The following UPRT variants were observed in gnomAD, a reference collection of about 807,000 sequenced individuals.
The protein encoded by UPRT is RP11-311P8.3.
A neutral mutation model predicts 22.6 loss-of-function variants in UPRT; 5 were observed. That is an observed-to-expected ratio of 0.22 (90% CI 0.12 to 0.47). The LOEUF (loss-of-function observed/expected upper bound fraction) is 0.47, where lower values mean the gene tolerates loss of function less well. Ranked by LOEUF, UPRT falls within the 20% of genes least tolerant of loss-of-function variation. The pLI is 0.99. For synonymous variants in UPRT, 77 were observed against 87.7 expected (o/e 0.88, Z 0.68); for missense variants, 181 against 239.9 (o/e 0.75, Z 1.62).
intron 4 of UPRT, among the ~76,000 whole-genome samples, chrX:75,248,515 A>T (rs954566959): frequency 6.2e-5 from 7 of 112,071 alleles, no homozygotes; most frequent in Non-Finnish European, 1.1e-4. Flanking sequence ...GAGAAAAAAG[A>T]CTAAAAAGAA....
intron 4 of UPRT, among the ~76,000 whole-genome samples, chrX:75,230,345 C>A (rs1018575531): frequency 9.0e-6 from 1 of 111,222 alleles, no homozygotes; most frequent in African/African-American, 3.3e-5. Context: ...TAGCCTAAGA[C>A]AAAAGACATA....
intron 4 of UPRT, among the ~76,000 whole-genome samples, chrX:75,247,606 T>C (rs1014845924): frequency 3.6e-5 from 4 of 112,343 alleles, no homozygotes; most frequent in African/African-American, 1.3e-4. Context: ...GAGCCCACCA[T>C]AGCTCAAGGA....
intron 4 of UPRT, among the ~76,000 whole-genome samples, chrX:75,230,670 C>CAA (rs2082435517): frequency 8.9e-6 from 1 of 112,037 alleles, no homozygotes; most frequent in Non-Finnish European, 1.9e-5. Flanking sequence ...CTAAACAAAA[C>CAA]TACAACCAGG....
At chrX:75,225,460 A>G (rs1313626030) in intron 4 of UPRT, among the ~76,000 whole-genome samples, 1 of 110,660 alleles carries the variant, frequency 9.0e-6, no homozygotes, top group Non-Finnish European at 1.9e-5. Context: ...GGGCAGAATG[A>G]GAAATGCAGT....
At chrX:75,239,455 A>T (rs1196681544) in intron 4 of UPRT, among the ~76,000 whole-genome samples, 7 of 110,985 alleles carry the variant, frequency 6.3e-5, no homozygotes, top group Non-Finnish European at 1.1e-4. Flanking sequence ...AAACAGTAAT[A>T]AAAAAAATTG....
intron 3 of UPRT, among the ~76,000 whole-genome samples, chrX:75,167,076 G>A (rs2082215160): frequency 8.9e-6 from 1 of 111,803 alleles, no homozygotes; most frequent in South Asian, 3.7e-4. Context: ...TAGAATCTCT[G>A]AATCATGTAT....
intron 4 of UPRT, among the ~76,000 whole-genome samples, chrX:75,184,394 G>T (rs1602442948): frequency 9.4e-6 from 1 of 106,158 alleles, no homozygotes; most frequent in East Asian, 2.9e-4. Context: ...TCTCTGTTTT[G>T]GTACCAGTAC....
chrX:75,158,237 G>T (rs2082189239), intron 1 of UPRT, among the ~76,000 whole-genome samples: 1 of 111,557 alleles, frequency 9.0e-6, no homozygotes, highest in Admixed American at 9.5e-5. Flanking sequence ...CACACTGCTG[G>T]GGAAGAGCAG....
At chrX:75,238,450 G>T (rs1177002564) in intron 4 of UPRT, among the ~76,000 whole-genome samples, 1 of 111,507 alleles carries the variant, frequency 9.0e-6, no homozygotes, top group Non-Finnish European at 1.9e-5. Context: ...AAATACATAT[G>T]CACCTAACAC....
At chrX:75,262,631 CA>C (rs1164699847) in intron 4 of UPRT, among the ~76,000 whole-genome samples, 4 of 110,534 alleles carry the variant, frequency 3.6e-5, no homozygotes, top group Non-Finnish European at 7.6e-5. Context: ...AACAAACAAA[CA>C]AAAAACTGCA....
chrX:75,172,800 G>T (rs756113713), intron 4 of UPRT, among the ~76,000 whole-genome samples: 91 of 110,851 alleles, frequency 8.2e-4, no homozygotes, highest in South Asian at 2.8e-3. Flanking sequence ...TCGTGGTCTC[G>T]CTGGGCTCAG....
chrX:75,238,883 A>G (rs969721178), intron 4 of UPRT, among the ~76,000 whole-genome samples: 8 of 111,991 alleles, frequency 7.1e-5, no homozygotes, highest in African/African-American at 2.6e-4. Flanking sequence ...CAACGAAATC[A>G]AGATGGAAAT....
intron 4 of UPRT, among the ~76,000 whole-genome samples, chrX:75,233,053 A>C (rs1023473087): frequency 9.0e-6 from 1 of 111,712 alleles, no homozygotes; most frequent in Non-Finnish European, 1.9e-5. Context: ...ATTAAGAAGA[A>C]TGTATAACTA....
chrX:75,202,666 G>A (rs956561279), intron 4 of UPRT: 1 of 111,898 alleles, frequency 8.9e-6, no homozygotes, highest in East Asian at 2.8e-4. Flanking sequence ...AGCAAACATT[G>A]TAGATATTAG....
chrX:75,252,920 T>G (rs1270262936), intron 4 of UPRT, among the ~76,000 whole-genome samples: 1 of 111,781 alleles, frequency 8.9e-6, no homozygotes, highest in African/African-American at 3.3e-5. Context: ...GAAGCCATCA[T>G]TCTCAGCAAA....
At chrX:75,259,943 G>A (rs2082562284) in intron 4 of UPRT, among the ~76,000 whole-genome samples, 2 of 111,845 alleles carry the variant, frequency 1.8e-5, no homozygotes, top group Non-Finnish European at 3.8e-5. Flanking sequence ...GAGAGTGGGG[G>A]CCAATATTCA....
At chrX:75,180,955 G>A (rs1441187342) in intron 4 of UPRT, among the ~76,000 whole-genome samples, 7 of 109,721 alleles carry the variant, frequency 6.4e-5, no homozygotes, top group Admixed American at 3.9e-4. Flanking sequence ...GTCCTGAATG[G>A]TATTGCCTAG....
At chrX:75,179,935 C>T (rs1478325460) in intron 4 of UPRT, among the ~76,000 whole-genome samples, 1 of 112,771 alleles carries the variant, frequency 8.9e-6, no homozygotes, top group Non-Finnish European at 1.9e-5. Context: ...GGAGTGGGCT[C>T]CAGCCTTGGC....
At chrX:75,264,069 T>C (rs1482568291) in intron 4 of UPRT, among the ~76,000 whole-genome samples, 1 of 112,214 alleles carries the variant, frequency 8.9e-6, no homozygotes, top group East Asian at 2.8e-4. Context: ...TTGATTGCAC[T>C]GTGGTCTGAG....
Sources: allele counts gnomAD v4.1 joint callset (sites outside exome capture counted in the v4.1 genomes callset), GRCh38; gene constraint gnomAD v4.1.1; transcripts MANE v1.5; gene names NCBI Gene and HGNC (gene_info 2026-07-23, HGNC 2026-07-21).